Variants in FBXO38 observed in about 807,000 individuals in gnomAD.
FBXO38 encodes F-box protein 38, also known as F-box only protein 38.
A neutral mutation model predicts 131.9 loss-of-function variants in FBXO38; 53 were observed. The observed-to-expected ratio is 0.40, with a 90% confidence interval of 0.32 to 0.51. The LOEUF is 0.51. Ranked by LOEUF, FBXO38 falls within the 20% of genes least tolerant of loss-of-function variation. The probability of loss-of-function intolerance (pLI) is 0.53; values close to 1 mark genes in which losing one functional copy is unlikely to be tolerated. For synonymous variants in FBXO38, 452 were observed against 505.6 expected, an observed-to-expected ratio of 0.89 and a Z score of 1.42; for missense variants, 1,076 against 1,475.6, an observed-to-expected ratio of 0.73 and a Z score of 4.44.
intron 10 of FBXO38, among the ~76,000 whole-genome samples, chr5:148,415,190 A>T (rs571683818): frequency 2.6e-5 from 4 of 152,190 alleles, no homozygotes; most frequent in African/African-American, 2.4e-5. Context: ...AGATGACTTT[A>T]AAAAAATAAC....
At chr5:148,425,797 A>G (rs1753682948) in intron 14 of FBXO38, 96 bp downstream of exon 14, 1 of 1,056,082 alleles carries the variant, frequency 9.5e-7, no homozygotes, top group Non-Finnish European at 1.4e-6. Flanking sequence ...GTTAACATAT[A>G]TTACGGAATG....
intron 15 of FBXO38, chr5:148,430,797 T>A (rs962538829): frequency 6.6e-6 from 1 of 152,250 alleles, no homozygotes; most frequent in African/African-American, 2.4e-5. Context: ...TTTTAGAAGC[T>A]AATATAATTG....
chr5:148,420,149 G>A (rs1188069788), intron 12 of FBXO38, among the ~76,000 whole-genome samples: 1 of 146,008 alleles, frequency 6.8e-6, no homozygotes, highest in Non-Finnish European at 1.5e-5. Context: ...TTTTGAGACA[G>A]AGTCTCACTG....
At chr5:148,423,563 T>C (rs1400992708) in intron 12 of FBXO38, among the ~76,000 whole-genome samples, 1 of 152,214 alleles carries the variant, frequency 6.6e-6, no homozygotes, top group Non-Finnish European at 1.5e-5. Flanking sequence ...AATATAGATA[T>C]TGCAGGCTAG....
At chr5:148,430,172 T>TTTTTTA (rs1753960314) in intron 15 of FBXO38, 1 of 147,414 alleles carries the variant, frequency 6.8e-6, no homozygotes, top group African/African-American at 2.5e-5. Context: ...TTTTTTTTTT[T>TTTTTTA]GAGACGAATT....
intron 8 of FBXO38, chr5:148,410,275 A>T: frequency 5.1e-6 from 1 of 194,420 alleles, no homozygotes; most frequent in Non-Finnish European, 1.0e-5. Context: ...TGACTGAATC[A>T]TGGGGGTGGT....
chr5:148,394,069 C>T (rs1359718774), intron 1 of FBXO38, among the ~76,000 whole-genome samples: 1 of 152,094 alleles, frequency 6.6e-6, no homozygotes, highest in Non-Finnish European at 1.5e-5. Flanking sequence ...TGTCAATATT[C>T]ACAAGAGAGG....
chr5:148,386,592 G>A (rs1319751175), intron 1 of FBXO38, among the ~76,000 whole-genome samples: 1 of 151,976 alleles, frequency 6.6e-6, no homozygotes, highest in African/African-American at 2.4e-5. Flanking sequence ...TAACATTCTG[G>A]GATTCTGTAA....
rs1408402817 is a variant in FBXO38, at chr5:148,440,438, A to G, written c.3185A>G (p.Tyr1062Cys). The G allele has an allele frequency of 6.8e-6, 11 of 1,610,096 alleles. No individual in the cohort carries two copies. The highest frequency in any genetic ancestry group is 9.3e-6 in the Non-Finnish European group (11 of 1,176,640). The change falls in exon 20 of 22, where the codon TAT becomes TGT. Residue 1062 changes from tyrosine (Y) to cysteine (C), a missense_variant. Transcript: ENST00000340253. The part of the protein sequence containing the change: ...IANINQELIK[Y>C]EFFPEATRSE... ...GTTGCTTCCAGAGAGCTCATTAAATATGAATTCTTCCCTGAAGCCACTCGA... is the reference window on the plus strand; with the variant it reads ...GTTGCTTCCAGAGAGCTCATTAAATGTGAATTCTTCCCTGAAGCCACTCGA...
chr5:148,420,665 C>T (rs750793864), intron 12 of FBXO38, among the ~76,000 whole-genome samples: 1 of 152,140 alleles, frequency 6.6e-6, no homozygotes, highest in Non-Finnish European at 1.5e-5. Context: ...ACCCCATTAG[C>T]CTGAATTAAC....
intron 17 of FBXO38, among the ~76,000 whole-genome samples, chr5:148,436,829 T>G (rs941532436): frequency 6.6e-6 from 1 of 152,224 alleles, no homozygotes; most frequent in African/African-American, 2.4e-5. Flanking sequence ...CAATGTGGTC[T>G]TTGGTCCTAA....
intron 9 of FBXO38, chr5:148,413,301 A>G (rs1214364873): frequency 1.3e-5 from 2 of 152,034 alleles, no homozygotes; most frequent in Admixed American, 1.3e-4. Context: ...TAAAGTTGTA[A>G]ATCCCTGTGA....
chr5:148,393,679 G>A (rs1053323012), intron 1 of FBXO38, among the ~76,000 whole-genome samples: 1 of 152,080 alleles, frequency 6.6e-6, no homozygotes, highest in Non-Finnish European at 1.5e-5. Context: ...GTTTACAATG[G>A]GCCCAGAGTA....
At chr5:148,425,010 C>T (rs371048956) in intron 13 of FBXO38, among the ~76,000 whole-genome samples, 5 of 152,254 alleles carry the variant, frequency 3.3e-5, no homozygotes, top group African/African-American at 9.6e-5. Flanking sequence ...ATGTAACATG[C>T]GTCTAGCCTT....
intron 2 of FBXO38, among the ~76,000 whole-genome samples, chr5:148,396,304 A>G (rs1758475991): frequency 1.3e-5 from 2 of 152,176 alleles, no homozygotes; most frequent in Admixed American, 1.3e-4. Context: ...ATTACATTCT[A>G]AAATGTTTTG....
chr5:148,420,906 C>T (rs1352748587), intron 12 of FBXO38, among the ~76,000 whole-genome samples: 1 of 152,026 alleles, frequency 6.6e-6, no homozygotes, highest in African/African-American at 2.4e-5. Context: ...ATCCAACCAA[C>T]TCAGCCTCCC....
chr5:148,388,509 T>C (rs1203972770), intron 1 of FBXO38, among the ~76,000 whole-genome samples: 7 of 152,264 alleles, frequency 4.6e-5, no homozygotes, highest in Non-Finnish European at 1.5e-5. Flanking sequence ...TCAGCCGTTA[T>C]CTAAGTTAGA....
chr5:148,386,946 A>T (rs1757944841), intron 1 of FBXO38, among the ~76,000 whole-genome samples: 1 of 152,140 alleles, frequency 6.6e-6, no homozygotes, highest in Admixed American at 6.5e-5. Context: ...GCCTTCAGCG[A>T]GTCATAATAT....
chr5:148,418,754 G>A (rs1271731316), intron 12 of FBXO38, among the ~76,000 whole-genome samples: 1 of 152,178 alleles, frequency 6.6e-6, no homozygotes, highest in Non-Finnish European at 1.5e-5. Flanking sequence ...TGTGGTTTGA[G>A]TTGACACACA....
Sources: gnomAD v4.1 joint callset for allele counts (sites outside exome capture counted in the v4.1 genomes callset) on GRCh38, gnomAD v4.1.1 for gene constraint, MANE v1.5 for transcripts, NCBI Gene and HGNC (gene_info 2026-07-23, HGNC 2026-07-21) for gene names.